The following LRMDA variants were observed in gnomAD, a reference collection of about 807,000 sequenced individuals.
The protein encoded by LRMDA is leucine rich melanocyte differentiation associated.
In LRMDA, 18 loss-of-function variants were observed where a neutral mutation model predicts 29.8. That is an observed-to-expected ratio of 0.60 (90% confidence interval 0.42 to 0.90). The LOEUF (loss-of-function observed/expected upper bound fraction) is 0.90. LRMDA is among the 40% of genes least tolerant of loss of function. LRMDA has a pLI of 0.00. For missense variants in LRMDA, 273 were observed against 273.9 expected, an observed-to-expected ratio of 1.00 and a Z score of 0.02; for synonymous variants, 125 against 109.4, an observed-to-expected ratio of 1.14 and a Z score of -0.89.
chr10:76,154,480 G>A (rs1850503043), intron 5 of LRMDA, among the ~76,000 whole-genome samples: 1 of 152,162 alleles, frequency 6.6e-6, no homozygotes, highest in African/African-American at 2.4e-5. Context: ...GAAGGAGGTA[G>A]TCCTCTTTCA....
intron 2 of LRMDA, among the ~76,000 whole-genome samples, chr10:75,672,723 C>T (rs1394158457): frequency 3.3e-5 from 5 of 149,910 alleles, no homozygotes; most frequent in African/African-American, 1.2e-4. Context: ...GGACTACAGG[C>T]AGGTGCCACA....
intron 2 of LRMDA, among the ~76,000 whole-genome samples, chr10:75,708,359 A>T (rs1172250705): frequency 1.3e-5 from 2 of 152,134 alleles, no homozygotes; most frequent in African/African-American, 4.8e-5. Context: ...CCTTTTTCAT[A>T]TTTGTTCTTT....
At chr10:76,131,942 A>G (rs961315008) in intron 5 of LRMDA, among the ~76,000 whole-genome samples, 14 of 152,206 alleles carry the variant, frequency 9.2e-5, no homozygotes, top group Admixed American at 7.2e-4. Flanking sequence ...GAATGAATAT[A>G]TATGGCTGAT....
chr10:75,945,088 T>C lies in LRMDA; in HGVS notation c.132-90920T>C, dbSNP rs142628187. On this transcript the variant is annotated intron_variant, in intron 2 of 6. Transcript: ENST00000611255. ...TGTCCTGGACATTGTAGACAATACATTGTATAGACACTGATAGATTGCAAT... is the reference window on the plus strand; with the variant it reads ...TGTCCTGGACATTGTAGACAATACACTGTATAGACACTGATAGATTGCAAT... Among the ~76,000 whole-genome samples the C allele has an allele frequency of 5.0e-3, 765 of 152,272 alleles. 47 individuals are homozygous for C. Among genetic ancestry groups the C allele is most frequent in the Admixed American group, 0.045 (695 of 15,290 alleles).
chr10:76,222,689 C>A (rs1379588433), intron 5 of LRMDA, among the ~76,000 whole-genome samples: 1 of 152,180 alleles, frequency 6.6e-6, no homozygotes, highest in Non-Finnish European at 1.5e-5. Flanking sequence ...ACTAGTTCAA[C>A]CCTTGTGGAA....
At chr10:75,464,065 G>A (rs1844623600) in intron 2 of LRMDA, among the ~76,000 whole-genome samples, 1 of 152,208 alleles carries the variant, frequency 6.6e-6, no homozygotes, top group Non-Finnish European at 1.5e-5. Flanking sequence ...GCCTCCCAAA[G>A]TGCTGGGATT....
intron 5 of LRMDA, among the ~76,000 whole-genome samples, chr10:76,211,784 T>G (rs1476708665): frequency 1.3e-5 from 2 of 152,230 alleles, no homozygotes; most frequent in Non-Finnish European, 2.9e-5. Context: ...TTGTTGTTGG[T>G]GAGAACTGGC....
rs144182486 is a variant in LRMDA, at chr10:76,209,031, A to G, written c.517-115370A>G. 7.2e-3 allele frequency among the ~76,000 whole-genome samples: 1,095 copies of G among 152,160 alleles called. 22 individuals carry two copies. The highest frequency in any genetic ancestry group is 0.025 in the African/African-American group (1,040 of 41,518). ...CAGCCAGGTGTGGTGGTGGGCACCT[A>G]TAATTCCAGCTACGCAGCAGGCTGA... On this transcript the variant is annotated intron_variant, in intron 5 of 6. Coordinates refer to ENST00000611255, the MANE Select transcript of LRMDA (RefSeq NM_001305581.2).
chr10:76,431,071 C>A (rs758469093), intron 6 of LRMDA, among the ~76,000 whole-genome samples: 1 of 152,156 alleles, frequency 6.6e-6, no homozygotes, highest in Admixed American at 6.6e-5. Flanking sequence ...TTTATCTCTA[C>A]AGTTCAAGGC....
At chr10:76,494,064 C>T in intron 6 of LRMDA, among the ~76,000 whole-genome samples, 1 of 151,874 alleles carries the variant, frequency 6.6e-6, no homozygotes, top group East Asian at 1.9e-4. Flanking sequence ...CCAGAAGATT[C>T]TTTTGTACAT....
chr10:75,940,473 C>G (rs930546562), intron 2 of LRMDA, among the ~76,000 whole-genome samples: 4 of 152,088 alleles, frequency 2.6e-5, no homozygotes, highest in Non-Finnish European at 1.5e-5. Flanking sequence ...AAAAGCCGTG[C>G]CTTCCACGAA....
At chr10:75,471,957 C>A (rs1844732393) in intron 2 of LRMDA, among the ~76,000 whole-genome samples, 1 of 152,274 alleles carries the variant, frequency 6.6e-6, no homozygotes. Flanking sequence ...TCAAGACATA[C>A]TTCTTTGCTG....
chr10:76,006,083 C>T lies in LRMDA; in HGVS notation c.132-29925C>T, dbSNP rs138156115. ...TTTCACAAAGGGAAAGAGAACAGAT[C>T]CGCCAATGAGAAAAGTTGATGGGGC... On this transcript the variant is annotated intron_variant, in intron 2 of 6. Transcript: ENST00000611255. Among the ~76,000 whole-genome samples the T allele has an allele frequency of 7.2e-5, 11 of 152,172 alleles. No individual in the cohort carries two copies. The East Asian group carries it at 2.1e-3, about 29-fold the overall frequency.
At chr10:75,843,146 A>G (rs1011024286) in intron 2 of LRMDA, among the ~76,000 whole-genome samples, 8 of 152,304 alleles carry the variant, frequency 5.3e-5, no homozygotes, top group South Asian at 2.1e-4. Flanking sequence ...AATGCCTGGG[A>G]AAAAAATAGG....
intron 2 of LRMDA, among the ~76,000 whole-genome samples, chr10:75,473,121 G>A (rs546185355): frequency 1.3e-5 from 2 of 152,342 alleles, no homozygotes; most frequent in East Asian, 3.9e-4. Flanking sequence ...CAGATTGTTT[G>A]GGAAGCTTTG....
intron 6 of LRMDA, 78 bp downstream of exon 6, chr10:76,324,563 G>C: frequency 8.0e-7 from 1 of 1,243,426 alleles, no homozygotes; most frequent in Non-Finnish European, 1.2e-6. Context: ...GCTCATTACT[G>C]CTGCCTCGGC....
chr10:76,459,005 C>T lies in LRMDA; in HGVS notation c.602-98204C>T, dbSNP rs2172079. ...GTAAAATGTGACGGTTTTTCTCAAG[C>T]GTCTACTAAGAGCCTAGCCAGATGC... is the stretch of plus-strand genomic sequence containing the variant. On this transcript the variant is annotated intron_variant, in intron 6 of 6. Transcript: ENST00000611255. 6.4e-3 allele frequency among the ~76,000 whole-genome samples: 977 copies of T among 152,144 alleles called. 8 individuals carry two copies. The highest frequency in any genetic ancestry group is 0.023 in the African/African-American group (943 of 41,504).
Position 75,974,094 on chromosome 10 carries a change from C to A in LRMDA, c.132-61914C>A, listed in dbSNP as rs144434196. Among the ~76,000 whole-genome samples, 318 of 152,296 alleles carry A rather than the reference C, an allele frequency of 2.1e-3. 3 individuals carry two copies. The highest frequency in any genetic ancestry group is 6.9e-3 in the African/African-American group (285 of 41,572). ...ACTTTTAAAGGGGCCAGTTTTGCATCTTCTATCTGTGGTATTCCATTGTCC... is the reference window on the plus strand; with the variant it reads ...ACTTTTAAAGGGGCCAGTTTTGCATATTCTATCTGTGGTATTCCATTGTCC... On this transcript the variant is annotated intron_variant, in intron 2 of 6. Coordinates refer to ENST00000611255, the MANE Select transcript of LRMDA (RefSeq NM_001305581.2).
intron 6 of LRMDA, among the ~76,000 whole-genome samples, chr10:76,355,359 G>A (rs898941888): frequency 6.6e-6 from 1 of 152,236 alleles, no homozygotes; most frequent in South Asian, 2.1e-4. Flanking sequence ...TAAAGAAATT[G>A]TAAGAAGCAC....
Sources: allele counts gnomAD v4.1 joint callset (sites outside exome capture counted in the v4.1 genomes callset), GRCh38; gene constraint gnomAD v4.1.1; transcripts MANE v1.5; gene names NCBI Gene and HGNC (gene_info 2026-07-23, HGNC 2026-07-21).